The following SMCO2 variants were observed in gnomAD, a reference collection of about 807,000 sequenced individuals.
SMCO2 encodes the protein single-pass membrane protein with coiled-coil domains 2.
A neutral mutation model predicts 29.5 loss-of-function variants in SMCO2; 25 were observed. The observed-to-expected ratio is 0.85, with a 90% CI of 0.62 to 1.18. SMCO2 has a LOEUF of 1.18. Ranked by LOEUF, SMCO2 falls within the 50% of genes most tolerant of loss-of-function variation. SMCO2 has a pLI of 0.00. For synonymous variants in SMCO2, 117 were observed against 123.3 expected (o/e 0.95, Z 0.34); for missense variants, 348 against 344.5 (o/e 1.01, Z -0.08).
chr12:27,492,373 C>T (rs1304600274), intron 5 of SMCO2, among the ~76,000 whole-genome samples: 1 of 152,064 alleles, frequency 6.6e-6, no homozygotes, highest in South Asian at 2.1e-4. Flanking sequence ...AAATCCATGC[C>T]TTGATTGCTC....
At chr12:27,437,669 C>T in the SMCO2 span, among the ~76,000 whole-genome samples, 17,012 of 151,968 alleles carry the variant, frequency 0.11, 1,114 homozygotes, top group African/African-American at 0.18. Flanking sequence ...GGGGGTTCTT[C>T]AGGGGAAAGA....
At chr12:27,458,620 T>G in the SMCO2 span, among the ~76,000 whole-genome samples, 1 of 152,248 alleles carries the variant, frequency 6.6e-6, no homozygotes, top group Non-Finnish European at 1.5e-5. Context: ...GCACAGTGGC[T>G]CACGCCTCTA....
At chr12:27,487,045 A>G (rs1370355323) in intron 4 of SMCO2, among the ~76,000 whole-genome samples, 1 of 152,206 alleles carries the variant, frequency 6.6e-6, no homozygotes, top group East Asian at 1.9e-4. Flanking sequence ...AAAACCAAGA[A>G]ACTGACATTG....
upstream of SMCO2, among the ~76,000 whole-genome samples, chr12:27,462,058 C>T (rs1003708879): frequency 4.6e-5 from 7 of 152,178 alleles, no homozygotes; most frequent in Admixed American, 2.0e-4. Context: ...CCTTACTTAG[C>T]GCAGAGCCTT....
At chr12:27,485,048 T>C (rs1208437719) in intron 4 of SMCO2, among the ~76,000 whole-genome samples, 2 of 151,770 alleles carry the variant, frequency 1.3e-5, no homozygotes, top group Admixed American at 6.6e-5. Context: ...TGTTCCCTCA[T>C]CTCACCATCA....
intron 1 of SMCO2, among the ~76,000 whole-genome samples, chr12:27,468,525 A>G (rs1243485677): frequency 1.3e-5 from 2 of 152,340 alleles, no homozygotes; most frequent in East Asian, 3.9e-4. Context: ...GTCCAACATG[A>G]TAGTCGTTGG....
chr12:27,431,958 T>C, the SMCO2 span, among the ~76,000 whole-genome samples: 1 of 152,224 alleles, frequency 6.6e-6, no homozygotes, highest in African/African-American at 2.4e-5. Context: ...TTCTGTTTAT[T>C]GGATAGTAGC....
At chr12:27,439,766 C>T in the SMCO2 span, among the ~76,000 whole-genome samples, 2 of 151,864 alleles carry the variant, frequency 1.3e-5, no homozygotes, top group Admixed American at 6.6e-5. Flanking sequence ...AATCAGTGAG[C>T]TTGAAGACTG....
chr12:27,472,926 GA>G, intron 3 of SMCO2, 51 bp downstream of exon 3: 1 of 1,324,072 alleles, frequency 7.6e-7, no homozygotes. Flanking sequence ...ACAGTAGGTT[GA>G]AGAGAAGAAC....
intron 7 of SMCO2, chr12:27,497,642 A>T (rs1052044694): frequency 6.5e-6 from 1 of 153,270 alleles, no homozygotes; most frequent in Admixed American, 6.7e-5. Context: ...AGGTGGGACT[A>T]TCACCTGAGC....
the SMCO2 span, among the ~76,000 whole-genome samples, chr12:27,457,082 G>T: frequency 6.6e-6 from 1 of 151,924 alleles, no homozygotes; most frequent in Non-Finnish European, 1.5e-5. Context: ...CACGAAACTG[G>T]TCCCTGGTGC....
At chr12:27,488,024 G>A (rs774761624) in intron 4 of SMCO2, among the ~76,000 whole-genome samples, 8 of 151,586 alleles carry the variant, frequency 5.3e-5, no homozygotes, top group East Asian at 3.9e-4. Context: ...ATTTTTCCCC[G>A]TGTGTAATTT....
intron 7 of SMCO2, chr12:27,497,820 G>C: frequency 4.4e-6 from 1 of 226,440 alleles, no homozygotes; most frequent in Non-Finnish European, 8.7e-6. Flanking sequence ...TGAGGAGAAA[G>C]AAGATATGGT....
intron 1 of SMCO2, among the ~76,000 whole-genome samples, chr12:27,469,118 A>G (rs1193886956): frequency 2.0e-5 from 3 of 152,208 alleles, no homozygotes; most frequent in Admixed American, 1.3e-4. Flanking sequence ...GACCATAAAA[A>G]CAGTAAACAA....
chr12:27,499,724 A>T (rs1943055132), intron 7 of SMCO2, among the ~76,000 whole-genome samples: 2 of 150,800 alleles, frequency 1.3e-5, no homozygotes, highest in Non-Finnish European at 2.9e-5. Context: ...ATTACATTCT[A>T]ATTAAGATTG....
chr12:27,452,721 C>T, the SMCO2 span, among the ~76,000 whole-genome samples: 1 of 152,176 alleles, frequency 6.6e-6, no homozygotes, highest in Non-Finnish European at 1.5e-5. Context: ...CTGCTGTGCT[C>T]AAGCAGTCCT....
At chr12:27,464,571 G>A (rs187096699), upstream of SMCO2, among the ~76,000 whole-genome samples, 80 of 151,924 alleles carry the variant, frequency 5.3e-4, 1 homozygote, top group African/African-American at 1.8e-3. Flanking sequence ...ACAAAAGTTA[G>A]CCGGGTGTGG....
At chr12:27,469,684 C>G (rs1291941169) in intron 1 of SMCO2, among the ~76,000 whole-genome samples, 1 of 152,132 alleles carries the variant, frequency 6.6e-6, no homozygotes, top group African/African-American at 2.4e-5. Flanking sequence ...CCTGGACACA[C>G]CCTCCTGATT....
At chr12:27,487,753 C>CT (rs143131425) in intron 4 of SMCO2, among the ~76,000 whole-genome samples, 5,069 of 129,414 alleles carry the variant, frequency 0.039, 116 homozygotes, top group African/African-American at 0.048. Context: ...TCTTTTCTTT[C>CT]TTTTTTTTTT....
Sources: allele counts gnomAD v4.1 joint callset (sites outside exome capture counted in the v4.1 genomes callset), GRCh38; gene constraint gnomAD v4.1.1; transcripts MANE v1.5; gene names NCBI Gene and HGNC (gene_info 2026-07-23, HGNC 2026-07-21).